The following PIWIL4 variants were observed in gnomAD, a reference collection of about 807,000 sequenced individuals.
PIWIL4 encodes piwi like RNA-mediated gene silencing 4, also known as piwi-like protein 4.
In PIWIL4, 50 loss-of-function variants were observed where a neutral mutation model predicts 100.9. The ratio of observed to expected loss-of-function variants is 0.50; its 90% CI spans 0.39 to 0.63. The LOEUF (loss-of-function observed/expected upper bound fraction) is 0.63. PIWIL4 is among the 20% of genes least tolerant of loss of function. PIWIL4 has a pLI of 0.00. For synonymous variants in PIWIL4, 342 were observed against 367.5 expected (o/e 0.93, Z 0.79); for missense variants, 887 against 1,043.3 (o/e 0.85, Z 2.06).
At chr11:94,588,482 T>G (rs1383245531) in intron 7 of PIWIL4, among the ~76,000 whole-genome samples, 2 of 152,194 alleles carry the variant, frequency 1.3e-5, no homozygotes, top group African/African-American at 4.8e-5. Flanking sequence ...TGGATTAGCT[T>G]ATCACATTTC....
chr11:94,601,607 A>G (rs1009543715), intron 11 of PIWIL4, among the ~76,000 whole-genome samples, 188 bp from the exon 12 acceptor site: 1 of 152,234 alleles, frequency 6.6e-6, no homozygotes, highest in Non-Finnish European at 1.5e-5. Flanking sequence ...GATGACGCCC[A>G]GATGCTTCCA....
chr11:94,594,015 CT>C (rs2135270865), intron 9 of PIWIL4, among the ~76,000 whole-genome samples: 1 of 152,178 alleles, frequency 6.6e-6, no homozygotes, highest in East Asian at 1.9e-4. Context: ...GAATATAATC[CT>C]CATTATACAG....
chr11:94,616,399 C>G, intron 15 of PIWIL4, 94 bp from the exon 16 acceptor site: 1 of 1,097,806 alleles, frequency 9.1e-7, no homozygotes, highest in Non-Finnish European at 1.3e-6. Flanking sequence ...TTGATTTTTA[C>G]TCATAATCTC....
chr11:94,596,297 G>A (rs1350019655), intron 10 of PIWIL4, among the ~76,000 whole-genome samples: 1 of 151,114 alleles, frequency 6.6e-6, no homozygotes, highest in African/African-American at 2.4e-5. Context: ...CTAGCTCATG[G>A]AGGATTTGGA....
chr11:94,580,631 C>T (rs754002916), intron 4 of PIWIL4, among the ~76,000 whole-genome samples: 13 of 142,380 alleles, frequency 9.1e-5, no homozygotes, highest in South Asian at 4.3e-4. Flanking sequence ...ATTTCAATTT[C>T]GAATAAAAGT....
intron 3 of PIWIL4, among the ~76,000 whole-genome samples, chr11:94,576,421 A>C (rs984409633): frequency 1.3e-5 from 2 of 152,204 alleles, no homozygotes; most frequent in Non-Finnish European, 2.9e-5. Context: ...GGTGTGAGCC[A>C]CCGTGCCCAG....
At position 94,604,047 on chromosome 11, in the gene PIWIL4, T is replaced by C. The variant is rs1436956473; in HGVS notation, c.1629T>C (p.Asp543=). ...CTATACAGCAATATGTTGATCCTGA[T>C]GTTCAGCTGGTAAGTACAGGATACT... ...VRAIQQYVDP[D]VQLVMCILPS... is the part of the protein sequence containing the mutation. Residue 543 remains aspartate (D), a synonymous_variant, in exon 13 of 20, where the codon GAT becomes GAC. Transcript: ENST00000299001. 1.9e-6 allele frequency: 3 copies of C among 1,602,210 alleles called. No homozygotes were observed. Among genetic ancestry groups the C allele is most frequent in the South Asian group, 1.1e-5 (1 of 89,872 alleles).
At chr11:94,588,493 A>G (rs1327687438) in intron 7 of PIWIL4, among the ~76,000 whole-genome samples, 1 of 152,162 alleles carries the variant, frequency 6.6e-6, no homozygotes, top group Non-Finnish European at 1.5e-5. Context: ...ATCACATTTC[A>G]AAGTCATCTT....
At chr11:94,592,263 T>C (rs1948496459) in intron 8 of PIWIL4, among the ~76,000 whole-genome samples, 1 of 152,260 alleles carries the variant, frequency 6.6e-6, no homozygotes, top group Non-Finnish European at 1.5e-5. Flanking sequence ...TCACAGTGTT[T>C]TCTCATCTGC....
intron 10 of PIWIL4, among the ~76,000 whole-genome samples, chr11:94,596,722 C>T (rs944454478): frequency 1.1e-4 from 17 of 152,184 alleles, no homozygotes; most frequent in Non-Finnish European, 1.9e-4. Context: ...ATGCATCTAT[C>T]TGCCACCTTT....
chr11:94,616,955 A>C (rs1293019905), intron 16 of PIWIL4, among the ~76,000 whole-genome samples: 4 of 152,192 alleles, frequency 2.6e-5, no homozygotes, highest in African/African-American at 4.8e-5. Flanking sequence ...GTGGCAAAGC[A>C]AGAGAAGAAG....
At chr11:94,603,468 A>T (rs947124625) in intron 12 of PIWIL4, among the ~76,000 whole-genome samples, 3 of 152,240 alleles carry the variant, frequency 2.0e-5, no homozygotes, top group Admixed American at 6.5e-5. Context: ...TTAAGGCTAG[A>T]CATTCCAGGC....
chr11:94,593,464 C>T (rs1415125495), intron 8 of PIWIL4, 54 bp from the exon 9 acceptor site: 3 of 1,568,780 alleles, frequency 1.9e-6, no homozygotes, highest in African/African-American at 2.7e-5. Flanking sequence ...TAAGGATGCT[C>T]ACCTGGCGGT....
intron 11 of PIWIL4, 76 bp from the exon 12 acceptor site, chr11:94,601,719 C>A: frequency 6.8e-7 from 1 of 1,465,584 alleles, no homozygotes; most frequent in South Asian, 1.2e-5. Flanking sequence ...AAAAGTTGGC[C>A]ATCTTCACAC....
chr11:94,568,841 A>G (rs1948110630), intron 2 of PIWIL4, 33 bp downstream of exon 2: 2 of 1,548,894 alleles, frequency 1.3e-6, no homozygotes, highest in African/African-American at 1.4e-5. Context: ...ATTTAGTACC[A>G]TTCAACCTGA....
In PIWIL4 at chr11:94,575,176, G is replaced by T. The variant is rs73521567; in HGVS notation, c.298+46G>T. On this transcript the variant is annotated intron_variant, in intron 3 of 19. Coordinates refer to ENST00000299001, the MANE Select transcript of PIWIL4 (RefSeq NM_152431.3). The stretch of plus-strand genomic sequence containing the variant: ...TACTTTTTTAATGTTACCAAATCTT[G>T]CTTAAGGACTTCCAAATTCTAGGTC... 8,161 of 1,583,176 alleles carry T rather than the reference G, an allele frequency of 5.2e-3. 417 individuals carry two copies. The African/African-American group carries it at 0.1, about 19-fold the overall frequency.
intron 17 of PIWIL4, among the ~76,000 whole-genome samples, chr11:94,619,089 T>G (rs1238945848): frequency 1.3e-5 from 2 of 152,204 alleles, no homozygotes; most frequent in African/African-American, 4.8e-5. Flanking sequence ...TTTGATAGTT[T>G]CAATATTGAA....
chr11:94,610,722 G>T (rs565889054), intron 15 of PIWIL4, among the ~76,000 whole-genome samples: 3 of 151,854 alleles, frequency 2.0e-5, no homozygotes, highest in East Asian at 3.9e-4. Context: ...TATCATCCCC[G>T]TATCAGATAT....
intron 15 of PIWIL4, among the ~76,000 whole-genome samples, chr11:94,612,151 G>C (rs1167053250): frequency 1.3e-5 from 2 of 151,526 alleles, no homozygotes; most frequent in South Asian, 2.1e-4. Context: ...GTGGAGTACT[G>C]AAGCTCCCTA....
Sources: allele counts gnomAD v4.1 joint callset (sites outside exome capture counted in the v4.1 genomes callset), GRCh38; gene constraint gnomAD v4.1.1; transcripts MANE v1.5; gene names NCBI Gene and HGNC (gene_info 2026-07-23, HGNC 2026-07-21).